The following DEPDC1B variants were observed in gnomAD, a reference collection of about 807,000 sequenced individuals.
DEPDC1B encodes DEP domain containing 1B.
Under a neutral mutation model 66.5 loss-of-function variants are expected in DEPDC1B, and 51 were observed. That is an observed-to-expected ratio of 0.77 (90% CI 0.61 to 0.97). DEPDC1B has a LOEUF of 0.97. DEPDC1B is among the 50% of genes least tolerant of loss of function. DEPDC1B has a pLI of 0.00. For missense variants in DEPDC1B, 552 were observed against 637.1 expected (o/e 0.87, Z 1.44); for synonymous variants, 226 against 223.6 (o/e 1.01, Z -0.10).
At chr5:60,670,207 AC>A (rs1753999477) in intron 2 of DEPDC1B, among the ~76,000 whole-genome samples, 1 of 151,850 alleles carries the variant, frequency 6.6e-6, no homozygotes, top group Admixed American at 6.6e-5. Context: ...ACTCAGTAAA[AC>A]CCCGTCTCTA....
intron 2 of DEPDC1B, among the ~76,000 whole-genome samples, chr5:60,674,500 C>T (rs1419200105): frequency 6.6e-6 from 1 of 152,206 alleles, no homozygotes; most frequent in Non-Finnish European, 1.5e-5. Context: ...AACTGGCCTA[C>T]TACTTATACT....
chr5:60,619,056 C>G (rs371196527), intron 7 of DEPDC1B, among the ~76,000 whole-genome samples: 4 of 152,130 alleles, frequency 2.6e-5, no homozygotes, highest in Non-Finnish European at 5.9e-5. Flanking sequence ...TATCTCAATA[C>G]ATGCAGAAAA....
chr5:60,676,096 A>G (rs1015560330), intron 2 of DEPDC1B, among the ~76,000 whole-genome samples: 3 of 151,450 alleles, frequency 2.0e-5, no homozygotes, highest in Non-Finnish European at 4.4e-5. Context: ...CCCAGCTACA[A>G]TTTTTTTGTA....
At chr5:60,646,807 C>T (rs550570941) in intron 3 of DEPDC1B, among the ~76,000 whole-genome samples, 6 of 152,092 alleles carry the variant, frequency 3.9e-5, no homozygotes, top group South Asian at 2.1e-4. Flanking sequence ...CCTGTCAGAT[C>T]GGCCGCATTA....
At chr5:60,650,294 T>C (rs77280054) in intron 2 of DEPDC1B, among the ~76,000 whole-genome samples, 3,122 of 152,250 alleles carry the variant, frequency 0.021, 103 homozygotes, top group African/African-American at 0.07. Context: ...TGAGGTGACT[T>C]GTCCTATCAG....
chr5:60,615,572 A>T (rs1752529327), intron 7 of DEPDC1B, among the ~76,000 whole-genome samples: 1 of 152,186 alleles, frequency 6.6e-6, no homozygotes, highest in Admixed American at 6.5e-5. Flanking sequence ...CTGAGATCAA[A>T]CTGCAAGGTG....
intron 2 of DEPDC1B, among the ~76,000 whole-genome samples, chr5:60,683,371 G>A (rs1754341527): frequency 6.6e-6 from 1 of 152,200 alleles, no homozygotes; most frequent in African/African-American, 2.4e-5. Flanking sequence ...GGTTGAGGCT[G>A]CAGTGAGCCA....
At chr5:60,671,368 C>G (rs537781274) in intron 2 of DEPDC1B, among the ~76,000 whole-genome samples, 5 of 152,208 alleles carry the variant, frequency 3.3e-5, no homozygotes, top group Non-Finnish European at 5.9e-5. Flanking sequence ...GTGCACAGCT[C>G]ACATTTCCCT....
chr5:60,624,140 A>C (rs1364381644), intron 7 of DEPDC1B, among the ~76,000 whole-genome samples: 3 of 152,156 alleles, frequency 2.0e-5, no homozygotes, highest in African/African-American at 7.2e-5. Flanking sequence ...TCTCACAGGT[A>C]CCCTTGATAA....
At chr5:60,622,493 G>A (rs151336125) in intron 7 of DEPDC1B, among the ~76,000 whole-genome samples, 51 of 152,232 alleles carry the variant, frequency 3.4e-4, no homozygotes, top group African/African-American at 1.2e-3. Context: ...TTGATATTAT[G>A]AATAAAGCTG....
chr5:60,603,797 A>C (rs1348299022), intron 8 of DEPDC1B, among the ~76,000 whole-genome samples: 1 of 150,418 alleles, frequency 6.6e-6, no homozygotes, highest in Non-Finnish European at 1.5e-5. Context: ...AGCAATTTTT[A>C]AACCTCCTTT....
chr5:60,657,713 A>T (rs958627834), intron 2 of DEPDC1B, among the ~76,000 whole-genome samples: 1 of 152,000 alleles, frequency 6.6e-6, no homozygotes, highest in Non-Finnish European at 1.5e-5. Context: ...TTGCCTCACA[A>T]CTCTTAAGAT....
intron 7 of DEPDC1B, among the ~76,000 whole-genome samples, chr5:60,623,096 T>C (rs893871117): frequency 2.0e-5 from 3 of 152,190 alleles, no homozygotes; most frequent in Admixed American, 2.0e-4. Context: ...CTATACTTTC[T>C]TTTGGAAGGT....
In DEPDC1B at chr5:60,603,545, C is replaced by G. The variant is rs773638129; in HGVS notation, c.1088G>C (p.Cys363Ser). Reference protein sequence around the residue: ...RTLMVQTFSRCILCSKDEVDL... With the variant: ...RTLMVQTFSRSILCSKDEVDL... The stretch of plus-strand genomic sequence containing the variant: ...CACTTCATCCTTGGAACACAAGATG[C>G]AACGGGAAAATGTCTGAACCATCTA... Residue 363 changes from cysteine (C) to serine (S), a missense_variant, in exon 9 of 11, where the codon TGC becomes TCC. Coordinates refer to ENST00000265036, the MANE Select transcript of DEPDC1B (RefSeq NM_018369.3). 1.2e-6 allele frequency: 2 copies of G among 1,603,902 alleles called. No homozygotes were observed. The highest frequency in any genetic ancestry group is 2.3e-5 in the South Asian group (2 of 88,766).
At chr5:60,661,837 A>G (rs1753722689) in intron 2 of DEPDC1B, among the ~76,000 whole-genome samples, 1 of 152,158 alleles carries the variant, frequency 6.6e-6, no homozygotes, top group Non-Finnish European at 1.5e-5. Flanking sequence ...TCATTGTGAC[A>G]CAGAATCAGA....
At position 60,645,633 on chromosome 5, in the gene DEPDC1B, G is replaced by C. The variant is rs1468092715; in HGVS notation, c.451-14C>G. The C allele has an allele frequency of 1.9e-6, 3 of 1,598,180 alleles. No homozygotes were observed. The highest frequency in any genetic ancestry group is 2.2e-5 in the East Asian group (1 of 44,536). On this transcript the variant is annotated splice_polypyrimidine_tract_variant and intron_variant, in intron 3 of 10. Transcript: ENST00000265036. ...CATCTCAGAATTCTAATGGAGGGGG[G>C]ATGTAAGAAGGGAGGGAAGGAGAAA...
chr5:60,626,935 A>G (rs1752819782), intron 7 of DEPDC1B, among the ~76,000 whole-genome samples: 1 of 152,114 alleles, frequency 6.6e-6, no homozygotes, highest in Non-Finnish European at 1.5e-5. Flanking sequence ...TAGGGATGTG[A>G]TCAAAGAGAT....
chr5:60,634,476 T>C lies in DEPDC1B; in HGVS notation c.898+4274A>G, dbSNP rs1584049311. Among the ~76,000 whole-genome samples the C allele has an allele frequency of 4.6e-5, 7 of 151,930 alleles. 1 individual carries two copies. In the East Asian group the frequency reaches 1.4e-3, roughly 29 times the overall value. On this transcript the variant is annotated intron_variant, in intron 7 of 10. Coordinates refer to ENST00000265036, the MANE Select transcript of DEPDC1B (RefSeq NM_018369.3). ...TCACGAGATTAGGAGATCGAGACCA[T>C]CCTGGCTAACACGGTGAAACCCCGC...
At position 60,667,879 on chromosome 5, in the gene DEPDC1B, ACATATATGTAAAAAATGGATATTT is replaced by A. The variant is rs1489533770; in HGVS notation, c.314+19059_314+19082del. 6.6e-3 allele frequency among the ~76,000 whole-genome samples: 543 copies of A among 81,752 alleles called. 132 individuals are homozygous for A. The highest frequency in any genetic ancestry group is 9.9e-3 in the East Asian group (18 of 1,814). 53.6% of individuals were successfully genotyped at this position (81,752 alleles called of 152,430 possible). Reference sequence around the variant, plus strand: ...CATATATGTAAAAAATGGATATTTTACATATATGTAAAAAATGGATATTTTATATATATAAAAAATGGATATTTT... The same window carrying A: ...CATATATGTAAAAAATGGATATTTTATATATATATAAAAAATGGATATTTT... On this transcript the variant is annotated intron_variant, in intron 2 of 10. Coordinates refer to ENST00000265036, the MANE Select transcript of DEPDC1B (RefSeq NM_018369.3).
Sources: gnomAD v4.1 joint callset for allele counts (sites outside exome capture counted in the v4.1 genomes callset) on GRCh38, gnomAD v4.1.1 for gene constraint, MANE v1.5 for transcripts, NCBI Gene and HGNC (gene_info 2026-07-23, HGNC 2026-07-21) for gene names.